Variants in DGKD observed in about 807,000 individuals in gnomAD.
DGKD encodes DAG kinase delta.
DGKD carries 68 observed loss-of-function variants against 154.4 expected under a neutral mutation model. The ratio of observed to expected loss-of-function variants is 0.44; its 90% CI spans 0.36 to 0.54. The LOEUF is 0.54. Among genes scored for constraint, DGKD ranks in the 20% least tolerant of loss-of-function variants. The probability of loss-of-function intolerance (pLI) is 0.00; values close to 1 mark genes in which losing one functional copy is unlikely to be tolerated. For missense variants in DGKD, 1,343 were observed against 1,593.6 expected, an observed-to-expected ratio of 0.84 and a Z score of 2.68; for synonymous variants, 693 against 638.0, an observed-to-expected ratio of 1.09 and a Z score of -1.30.
chr2:233,403,646 CTT>C (rs879441437), intron 3 of DGKD, among the ~76,000 whole-genome samples: 2 of 144,988 alleles, frequency 1.4e-5, no homozygotes. Flanking sequence ...TCTCTTCAGA[CTT>C]TTTTTTTTTT....
intron 18 of DGKD, 145 bp from the exon 19 acceptor site, chr2:233,454,618 G>C: frequency 6.6e-6 from 4 of 609,522 alleles, no homozygotes; most frequent in Non-Finnish European, 1.2e-5. Flanking sequence ...AAATTATCTA[G>C]TGTATATCTT....
Position 233,437,415 on chromosome 2 carries a change from C to T in DGKD, c.858C>T (p.Cys286=), listed in dbSNP as rs766988422. The stretch of plus-strand genomic sequence containing the variant: ...GTAAAGAATCCTTGCTGACCAAGTG[C>T]CCACTTGGCCTGTGCAAAGTGTCAG... ...TSCKESLLTK[C]PLGLCKVSVI... is the part of the protein sequence containing the mutation. Residue 286 remains cysteine, a synonymous_variant, in exon 8 of 30, where the codon TGC becomes TGT. Transcript: ENST00000264057. 3.7e-6 allele frequency: 6 copies of T among 1,614,216 alleles called. No individual in the cohort carries two copies. Among genetic ancestry groups the T allele is most frequent in the Non-Finnish European group, 5.1e-6 (6 of 1,180,044 alleles).
In DGKD at chr2:233,388,033, C is replaced by A. The variant is rs116183431; in HGVS notation, c.157-224C>A. ...ACCCTGGGCCTCTTGACACCCCCAC[C>A]CACACAGGCACACATTGCCCCTTAG... On this transcript the variant is annotated intron_variant, in intron 1 of 29. Transcript: ENST00000264057. 1.7e-3 allele frequency: 1,637 copies of A among 970,684 alleles called. 11 individuals carry two copies. The African/African-American group carries it at 0.025, about 15-fold the overall frequency. 60.1% of individuals were successfully genotyped at this position (970,684 alleles called of 1,614,324 possible).
rs753570385 is a variant in DGKD, at chr2:233,450,092, G to T, written c.1999G>T (p.Glu667Ter). 1 of 1,613,606 alleles carries T rather than the reference G, an allele frequency of 6.2e-7. No individual in the cohort carries two copies. The highest frequency in any genetic ancestry group is 8.5e-7 in the Non-Finnish European group (1 of 1,179,832). Residue 667 changes from glutamate to a stop codon, truncating the protein, a stop_gained, in exon 16 of 30, where the codon GAG (glutamate) becomes TAG (stop). Coordinates refer to ENST00000264057, the MANE Select transcript of DGKD (RefSeq NM_152879.3). LOFTEE classifies it high-confidence loss of function. ...AGTGTGCCCACCACTGTCCCACAGC[G>T]AGAGCTTCGGGGTCCCCAAGGGGAG... ...HRVCPPLSHS[E>*]SFGVPKGRSQ...
In DGKD at chr2:233,469,716, G is replaced by A; in HGVS notation, c.*256G>A. ...CTTTCTCCAGCTCAGAGTCACCTGG[G>A]GCACATGTGTCACGGCCACTCAGCT... On this transcript the variant is annotated 3_prime_UTR_variant, in exon 30 of 30. Transcript: ENST00000264057. 2.0e-6 allele frequency: 1 copy of A among 496,578 alleles called. No homozygotes were observed. Among genetic ancestry groups the A allele is most frequent in the Non-Finnish European group, 3.6e-6 (1 of 275,048 alleles). The allele number at this position is 496,578 out of a possible 1,614,324, so 30.8% of individuals were successfully genotyped here.
rs1165975115 is a variant in DGKD, at chr2:233,469,741, T to C, written c.*281T>C. ...GGCACATGTGTCACGGCCACTCAGC[T>C]CTCGCCCGCCTGTGCTGTGGGCCAG... On this transcript the variant is annotated 3_prime_UTR_variant, in exon 30 of 30. Transcript: ENST00000264057. 3 of 415,732 alleles carry C rather than the reference T, an allele frequency of 7.2e-6. No homozygotes were observed. The highest frequency in any genetic ancestry group is 1.3e-5 in the Non-Finnish European group (3 of 226,962). The allele number at this position is 415,732 out of a possible 1,614,324, so 25.8% of individuals were successfully genotyped here.
chr2:233,446,624 G>C (rs553242351), intron 11 of DGKD, 88 bp from the exon 12 acceptor site: 6 of 1,365,026 alleles, frequency 4.4e-6, no homozygotes, highest in African/African-American at 1.4e-5. Flanking sequence ...AAAGATCAAG[G>C]CTGCCAGCCG....
At position 233,458,530 on chromosome 2, in the gene DGKD, CAG is replaced by C; in HGVS notation, c.2694+134_2694+135del. ...TGGCTGCCTCATGTCCTGTCCTGGA[CAG>C]CTCGTGGCCCCACTTCCTGGGCCAG... On this transcript the variant is annotated intron_variant, in intron 22 of 29. Transcript: ENST00000264057. This position sits in a 1 kb window ranked among gnomAD's most constrained non-coding sequence, Gnocchi z 6.6. The C allele has an allele frequency of 1.8e-6, 1 of 566,828 alleles. No individual in the cohort carries two copies. Among genetic ancestry groups the C allele is most frequent in the Non-Finnish European group, 3.1e-6 (1 of 323,312 alleles). 35.1% of individuals were successfully genotyped at this position (566,828 alleles called of 1,614,324 possible).
At chr2:233,461,946 T>G (rs1185461479) in intron 24 of DGKD, among the ~76,000 whole-genome samples, 1 of 152,180 alleles carries the variant, frequency 6.6e-6, no homozygotes, top group Non-Finnish European at 1.5e-5. Flanking sequence ...CAGATGAGGG[T>G]CCTTTTGTCC....
chr2:233,427,231 T>A (rs2062335734), intron 3 of DGKD, among the ~76,000 whole-genome samples: 1 of 152,056 alleles, frequency 6.6e-6, no homozygotes, highest in South Asian at 2.1e-4. Flanking sequence ...TGCAGTCACC[T>A]CTGATGCAGT....
chr2:233,455,949 T>G (rs2063447173), intron 19 of DGKD, among the ~76,000 whole-genome samples: 1 of 152,178 alleles, frequency 6.6e-6, no homozygotes, highest in Non-Finnish European at 1.5e-5. Flanking sequence ...GTCAGATCAT[T>G]TAAAAATCCC....
intron 1 of DGKD, among the ~76,000 whole-genome samples, chr2:233,377,078 CTTTTTTTTTT>C (rs755610624): frequency 1.5e-5 from 2 of 129,314 alleles, no homozygotes; most frequent in Non-Finnish European, 3.3e-5. Context: ...TAGCATGTTC[CTTTTTTTTTT>C]TTTTTTTTTT....
rs2062887347 is a variant in DGKD at position 233,441,516 on chromosome 2, G to T, written c.1086-371G>T. On this transcript the variant is annotated intron_variant, in intron 9 of 29. Coordinates refer to ENST00000264057, the MANE Select transcript of DGKD (RefSeq NM_152879.3). This position sits in a 1 kb window ranked among gnomAD's most constrained non-coding sequence, Gnocchi z 5.6. Reference sequence around the variant, plus strand: ...GATGGGGCAGGGACAGTGACGCAGGGTGGGCTCACATGGTTAGGGGCCACG... The same window carrying T: ...GATGGGGCAGGGACAGTGACGCAGGTTGGGCTCACATGGTTAGGGGCCACG... 6.6e-6 allele frequency among the ~76,000 whole-genome samples: 1 copy of T among 152,208 alleles called. No homozygotes were observed. The highest frequency in any genetic ancestry group is 2.4e-5 in the African/African-American group (1 of 41,458).
rs891060423 is a variant in DGKD at position 233,441,554 on chromosome 2, C to T, written c.1086-333C>T. Among the ~76,000 whole-genome samples, 2 of 152,166 alleles carry T rather than the reference C, an allele frequency of 1.3e-5. No homozygotes were observed. Among genetic ancestry groups the T allele is most frequent in the South Asian group, 4.1e-4 (2 of 4,832 alleles). ...GTTAGGGGCCACGGCAGGCTGTGCC[C>T]GTGAGCCTGGCAGGGGATGCAGTTT... On this transcript the variant is annotated intron_variant, in intron 9 of 29. Transcript: ENST00000264057. The surrounding 1 kb of genome is among the most constrained non-coding windows in gnomAD (Gnocchi z 5.6).
Position 233,459,661 on chromosome 2 carries a change from G to A in DGKD, c.2695-96G>A, listed in dbSNP as rs780474853. On this transcript the variant is annotated intron_variant, in intron 22 of 29. Coordinates refer to ENST00000264057, the MANE Select transcript of DGKD (RefSeq NM_152879.3). The surrounding 1 kb of genome is among the most constrained non-coding windows in gnomAD (Gnocchi z 5.7). ...GGGGTGTCCTGCAAGGCAGGGACGG[G>A]TGTGTGGAGCAGGAAGGTCATGGTG... The A allele has an allele frequency of 6.7e-7, 1 of 1,501,672 alleles. No homozygotes were observed. Among genetic ancestry groups the A allele is most frequent in the Non-Finnish European group, 9.0e-7 (1 of 1,113,134 alleles). The allele number at this position is 1,501,672 out of a possible 1,614,324, so 93.0% of individuals were successfully genotyped here. A position where few individuals can be genotyped will look rare whatever the true frequency, so the allele number is the denominator to read the frequency against.
rs1192949212 is a variant in DGKD, at chr2:233,459,393, G to A, written c.2695-364G>A. Among the ~76,000 whole-genome samples the A allele has an allele frequency of 2.6e-5, 4 of 152,200 alleles. No individual in the cohort carries two copies. The highest frequency in any genetic ancestry group is 2.6e-4 in the Admixed American group (4 of 15,290). ...GATGGATGGCTCATCGTCATCCACTGTGCCATCTGCTCTTTTCTAGGGGTG... is the reference window on the plus strand; with the variant it reads ...GATGGATGGCTCATCGTCATCCACTATGCCATCTGCTCTTTTCTAGGGGTG... On this transcript the variant is annotated intron_variant, in intron 22 of 29. Transcript: ENST00000264057. The surrounding 1 kb of genome is among the most constrained non-coding windows in gnomAD (Gnocchi z 5.7).
At chr2:233,466,505 C>G (rs1316943799) in intron 27 of DGKD, among the ~76,000 whole-genome samples, 1 of 152,112 alleles carries the variant, frequency 6.6e-6, no homozygotes, top group East Asian at 1.9e-4. Flanking sequence ...GAGTGCATCA[C>G]AGAGTGAGGC....
At chr2:233,376,262 G>A (rs1702568750) in intron 1 of DGKD, among the ~76,000 whole-genome samples, 1 of 152,202 alleles carries the variant, frequency 6.6e-6, no homozygotes, top group Non-Finnish European at 1.5e-5. Flanking sequence ...CAAAAATAAT[G>A]AAAAGTAAAT....
At chr2:233,383,674 A>G (rs747896295) in intron 1 of DGKD, among the ~76,000 whole-genome samples, 19 of 152,214 alleles carry the variant, frequency 1.2e-4, no homozygotes, top group Non-Finnish European at 2.1e-4. Context: ...CTAACCTGCC[A>G]TCTCAGCCCC....
Sources: allele counts gnomAD v4.1 joint callset (sites outside exome capture counted in the v4.1 genomes callset), GRCh38; gene constraint gnomAD v4.1.1; non-coding constraint Gnocchi (gnomAD v3.1); transcripts MANE v1.5; gene names NCBI Gene and HGNC (gene_info 2026-07-23, HGNC 2026-07-21).